Variants in ERBB2 observed in about 807,000 individuals in gnomAD.
The protein encoded by ERBB2 is receptor tyrosine-protein kinase erbB-2.
Under a neutral mutation model 149.0 loss-of-function variants are expected in ERBB2, and 61 were observed. The observed-to-expected ratio is 0.41, with a 90% confidence interval of 0.33 to 0.51. ERBB2 has a LOEUF of 0.51. ERBB2 is among the 20% of genes least tolerant of loss of function. The probability of loss-of-function intolerance (pLI) is 0.25; values close to 1 mark genes in which losing one functional copy is unlikely to be tolerated. For missense variants in ERBB2, 1,205 were observed against 1,655.1 expected, an observed-to-expected ratio of 0.73 and a Z score of 4.72; for synonymous variants, 633 against 678.8, an observed-to-expected ratio of 0.93 and a Z score of 1.05.
intron 9 of ERBB2, among the ~76,000 whole-genome samples, chr17:39,714,874 A>C (rs2059025812): frequency 6.7e-6 from 1 of 148,994 alleles, no homozygotes; most frequent in Non-Finnish European, 1.5e-5. Context: ...GGTTCAAGTG[A>C]TTCTCCTGCC....
intron 9 of ERBB2, among the ~76,000 whole-genome samples, 165 bp from the exon 10 acceptor site, chr17:39,715,121 C>T (rs4252631): frequency 9.9e-5 from 15 of 152,248 alleles, no homozygotes; most frequent in Middle Eastern, 3.4e-3. Flanking sequence ...TAGATGTTGC[C>T]GAACTAAGGC....
Position 39,725,889 on chromosome 17 carries a change from G to A in ERBB2, c.2872+36G>A, listed in dbSNP as rs2143085574. 5 of 1,611,296 alleles carry A rather than the reference G, an allele frequency of 3.1e-6. No homozygotes were observed. The highest frequency in any genetic ancestry group is 4.2e-6 in the Non-Finnish European group (5 of 1,179,076). On this transcript the variant is annotated intron_variant, in intron 23 of 26. Coordinates refer to ENST00000269571, the MANE Select transcript of ERBB2 (RefSeq NM_004448.4). The surrounding 1 kb of genome is among the most constrained non-coding windows in gnomAD (Gnocchi z 4.6). ...GAGCTGTGCTGGCTGCCTGGAGGAG[G>A]GTGGGAGGTCCTGGGTGGAGGAGCC...
Position 39,719,790 on chromosome 17 carries a change from T to C in ERBB2, c.1902T>C (p.Cys634=), listed in dbSNP as rs2059349362. The change falls in exon 16 of 27, where the codon TGT becomes TGC. Residue 634 remains cysteine (C), a synonymous_variant. Transcript: ENST00000269571. Reference sequence around the variant, plus strand: ...GATGAGACTGTTTCTCCTGCAGCTGTGTGGACCTGGATGACAAGGGCTGCC... The same window carrying C: ...GATGAGACTGTTTCTCCTGCAGCTGCGTGGACCTGGATGACAAGGGCTGCC... ...QPCPINCTHS[C]VDLDDKGCPA... The C allele has an allele frequency of 6.2e-7, 1 of 1,614,134 alleles. No individual in the cohort carries two copies. The highest frequency in any genetic ancestry group is 2.2e-5 in the East Asian group (1 of 44,886).
intron 9 of ERBB2, among the ~76,000 whole-genome samples, chr17:39,714,883 C>T (rs896013434): frequency 3.3e-5 from 5 of 151,542 alleles, no homozygotes; most frequent in Admixed American, 6.6e-5. Context: ...GATTCTCCTG[C>T]CTCAGCCTCT....
rs2145441489 is a variant in ERBB2, at chr17:39,708,423, G to A, written c.328G>A (p.Asp110Asn). Residue 110 changes from aspartate (D) to asparagine (N), a missense_variant, in exon 3 of 27, where the codon GAC becomes AAC. By Grantham distance (23) the Asp-to-Asn change is conservative. This residue lies in a region of ERBB2 where 569 missense variants were observed against 803.5 expected (regional missense o/e 0.71). Transcript: ENST00000269571. ...RIVRGTQLFE[D>N]NYALAVLDNG... Reference sequence around the variant, plus strand: ...TGTGCGAGGCACCCAGCTCTTTGAGGACAACTATGCCCTGGCCGTGCTAGA... The same window carrying A: ...TGTGCGAGGCACCCAGCTCTTTGAGAACAACTATGCCCTGGCCGTGCTAGA... 6.2e-7 allele frequency: 1 copy of A among 1,614,196 alleles called. No individual in the cohort carries two copies. The highest frequency in any genetic ancestry group is 8.5e-7 in the Non-Finnish European group (1 of 1,180,028).
intron 1 of ERBB2, among the ~76,000 whole-genome samples, chr17:39,706,190 G>A (rs1203186367): frequency 1.3e-5 from 2 of 152,222 alleles, no homozygotes; most frequent in Admixed American, 1.3e-4. Flanking sequence ...GGGCAGGTAT[G>A]CAGGGCTGAC....
In ERBB2 at chr17:39,728,041, G is replaced by A; in HGVS notation, c.3765G>A (p.Val1255=). 2 of 1,578,796 alleles carry A rather than the reference G, an allele frequency of 1.3e-6. No homozygotes were observed. Among genetic ancestry groups the A allele is most frequent in the Non-Finnish European group, 1.7e-6 (2 of 1,162,836 alleles). Residue 1255 remains valine (V), a synonymous_variant, in exon 27 of 27, where the codon GTG becomes GTA. Coordinates refer to ENST00000269571, the MANE Select transcript of ERBB2 (RefSeq NM_004448.4). ...NPEYLGLDVP[V] Reference sequence around the variant, plus strand: ...AGTACCTGGGTCTGGACGTGCCAGTGTGAACCAGAAGGCCAAGTCCGCAGA... The same window carrying A: ...AGTACCTGGGTCTGGACGTGCCAGTATGAACCAGAAGGCCAAGTCCGCAGA...
chr17:39,702,532 C>G (rs777501042), intron 1 of ERBB2, among the ~76,000 whole-genome samples: 1 of 152,178 alleles, frequency 6.6e-6, no homozygotes, highest in Non-Finnish European at 1.5e-5. Context: ...CAACAGCCTC[C>G]TCTCTTTACT....
chr17:39,695,654 C>G (rs2145219435), upstream of ERBB2, among the ~76,000 whole-genome samples: 1 of 148,826 alleles, frequency 6.7e-6, no homozygotes, highest in Middle Eastern at 3.4e-3. Context: ...GTCCTCTGAC[C>G]CCAAGCTGGC....
Position 39,709,465 on chromosome 17 carries a change from C to T in ERBB2, c.574+13C>T, listed in dbSNP as rs757451948. On this transcript the variant is annotated intron_variant, in intron 4 of 26. Coordinates refer to ENST00000269571, the MANE Select transcript of ERBB2 (RefSeq NM_004448.4). ...CGCTCTCGGGCCTGTAAGCCATGCC[C>T]CTCCCTGCTGCCTCTTCTCTCAGAC... The T allele has an allele frequency of 1.9e-6, 3 of 1,613,900 alleles. No individual in the cohort carries two copies. Among genetic ancestry groups the T allele is most frequent in the East Asian group, 2.2e-5 (1 of 44,890 alleles).
At chr17:39,707,205 G>A (rs753743346) in intron 2 of ERBB2, 64 bp downstream of exon 2, 1 of 1,389,638 alleles carries the variant, frequency 7.2e-7, no homozygotes, top group Non-Finnish European at 9.5e-7. Flanking sequence ...CTGTTTACAG[G>A]TGGGTGGCAG....
chr17:39,691,912 TA>T (rs2057715717), upstream of ERBB2, among the ~76,000 whole-genome samples: 1 of 101,612 alleles, frequency 9.8e-6, no homozygotes, highest in East Asian at 2.4e-4. Flanking sequence ...TATATATACA[TA>T]TACATATACA....
rs2145748449 is a variant in ERBB2, at chr17:39,719,811, C to T, written c.1923C>T (p.Gly641=). Residue 641 remains glycine (G), a synonymous_variant, in exon 16 of 27, where the codon GGC becomes GGT. Coordinates refer to ENST00000269571, the MANE Select transcript of ERBB2 (RefSeq NM_004448.4). ...GCTGTGTGGACCTGGATGACAAGGG[C>T]TGCCCCGCCGAGCAGAGAGCCAGGT... ...THSCVDLDDK[G]CPAEQRASPL... is the part of the protein sequence containing the mutation. 6.2e-7 allele frequency: 1 copy of T among 1,614,204 alleles called. No individual in the cohort carries two copies. The highest frequency in any genetic ancestry group is 8.5e-7 in the Non-Finnish European group (1 of 1,180,010).
In ERBB2 at chr17:39,708,427, A is replaced by G. The variant is rs1340287026; in HGVS notation, c.332A>G (p.Asn111Ser). Residue 111 changes from asparagine to serine, a missense_variant, in exon 3 of 27, where the codon AAC becomes AGC. Coordinates refer to ENST00000269571, the MANE Select transcript of ERBB2 (RefSeq NM_004448.4). ...IVRGTQLFED[N>S]YALAVLDNGD... ...CGAGGCACCCAGCTCTTTGAGGACAACTATGCCCTGGCCGTGCTAGACAAT... is the reference window on the plus strand; with the variant it reads ...CGAGGCACCCAGCTCTTTGAGGACAGCTATGCCCTGGCCGTGCTAGACAAT... 1.3e-5 allele frequency: 21 copies of G among 1,614,202 alleles called. No homozygotes were observed. Among genetic ancestry groups the G allele is most frequent in the Non-Finnish European group, 1.2e-5 (14 of 1,180,012 alleles).
intron 3 of ERBB2, 150 bp from the exon 4 acceptor site, chr17:39,709,168 C>CA: frequency 4.5e-6 from 4 of 880,336 alleles, no homozygotes. Context: ...TGGTGGGACT[C>CA]AAAGACGGTA....
At chr17:39,691,556 A>AAAAAAAAAAAAAAATATATATAT (rs573116217), upstream of ERBB2, among the ~76,000 whole-genome samples, 3 of 84,202 alleles carry the variant, frequency 3.6e-5, no homozygotes, top group African/African-American at 1.5e-4. Context: ...TAAAAAAAAA[A>AAAAAAAAAAAAAAATATATATAT]ATATATATAT....
Position 39,726,687 on chromosome 17 carries a change from C to G in ERBB2, c.2970+28C>G, listed in dbSNP as rs2059785243. 1.9e-6 allele frequency: 3 copies of G among 1,606,752 alleles called. No individual in the cohort carries two copies. Among genetic ancestry groups the G allele is most frequent in the Non-Finnish European group, 2.6e-6 (3 of 1,173,224 alleles). ...ACTGGGCCTCTGTGCCCCATCCCTGCCTGTGGCTAAGAGCACCCTCCTGCA... is the reference window on the plus strand; with the variant it reads ...ACTGGGCCTCTGTGCCCCATCCCTGGCTGTGGCTAAGAGCACCCTCCTGCA... On this transcript the variant is annotated intron_variant, in intron 24 of 26. Coordinates refer to ENST00000269571, the MANE Select transcript of ERBB2 (RefSeq NM_004448.4). The surrounding 1 kb of genome is among the most constrained non-coding windows in gnomAD (Gnocchi z 5.1).
chr17:39,723,863 A>G lies in ERBB2; in HGVS notation c.2209-49A>G, dbSNP rs766384970. 9.7e-6 allele frequency: 15 copies of G among 1,541,546 alleles called. No homozygotes were observed. In the Admixed American group the frequency reaches 2.2e-4, roughly 22 times the overall value. Reference sequence around the variant, plus strand: ...AGTAATGATCTCCTGGAAGGCAGGTAGGATCCAGCCCACGCTCTTCTCACT... The same window carrying G: ...AGTAATGATCTCCTGGAAGGCAGGTGGGATCCAGCCCACGCTCTTCTCACT... On this transcript the variant is annotated intron_variant, in intron 18 of 26. Coordinates refer to ENST00000269571, the MANE Select transcript of ERBB2 (RefSeq NM_004448.4). This position sits in a 1 kb window ranked among gnomAD's most constrained non-coding sequence, Gnocchi z 6.2.
chr17:39,693,908 G>A (rs555345019), upstream of ERBB2, among the ~76,000 whole-genome samples: 6 of 150,362 alleles, frequency 4.0e-5, no homozygotes, highest in South Asian at 2.1e-4. Flanking sequence ...TAAATAGGCC[G>A]GGCACAGTGG....
Sources: allele counts gnomAD v4.1 joint callset (sites outside exome capture counted in the v4.1 genomes callset), GRCh38; gene constraint gnomAD v4.1.1; regional missense constraint gnomAD v4.1.1; non-coding constraint Gnocchi (gnomAD v3.1); transcripts MANE v1.5; gene names NCBI Gene and HGNC (gene_info 2026-07-23, HGNC 2026-07-21).